UGT1A9: variants seen among roughly 807,000 people sequenced by gnomAD.
The protein encoded by UGT1A9 is UDP glucuronosyltransferase family 1 member A9, also known as UDP-glucuronosyltransferase 1A9.
A neutral mutation model predicts 45.0 loss-of-function variants in UGT1A9; 35 were observed. The observed-to-expected ratio is 0.78, with a 90% CI of 0.59 to 1.03. UGT1A9 has a LOEUF of 1.03. UGT1A9 is among the 50% of genes least tolerant of loss of function. The pLI is 0.00. For synonymous variants in UGT1A9, 278 were observed against 250.6 expected (o/e 1.11, Z -1.03); for missense variants, 687 against 666.6 (o/e 1.03, Z -0.34).
rs182081835 is a variant in UGT1A9 at position 233,702,413 on chromosome 2, T to G, written c.855+29624T>G. 3.3e-3 allele frequency among the ~76,000 whole-genome samples: 497 copies of G among 152,322 alleles called. 1 individual carries two copies. Among genetic ancestry groups the G allele is most frequent in the South Asian group, 4.6e-3 (22 of 4,828 alleles). On this transcript the variant is annotated intron_variant, in intron 1 of 4. Coordinates refer to ENST00000354728, the MANE Select transcript of UGT1A9 (RefSeq NM_021027.3). ...AGATCATGTTATCTACAAATAGAGA[T>G]AGCGTTACTTCTTCCTTTCTAATAA... is the stretch of plus-strand genomic sequence containing the variant.
In UGT1A9 at chr2:233,672,676, A is replaced by G; in HGVS notation, c.742A>G (p.Thr248Ala). Residue 248 changes from threonine (T) to alanine (A), a missense_variant, in exon 1 of 5, where the codon ACA becomes GCA. Thr to Ala is a moderately conservative substitution (Grantham distance 58). Coordinates refer to ENST00000354728, the MANE Select transcript of UGT1A9 (RefSeq NM_021027.3). ...PVTEYDLYSH[T>A]SIWLLRTDFV... ...TACGGAGTATGATCTCTACAGCCAC[A>G]CATCAATTTGGTTGTTGCGAACGGA... 6.2e-7 allele frequency: 1 copy of G among 1,613,916 alleles called. No individual in the cohort carries two copies. Among genetic ancestry groups the G allele is most frequent in the Non-Finnish European group, 8.5e-7 (1 of 1,179,844 alleles).
At position 233,672,362 on chromosome 2, in the gene UGT1A9, A is replaced by T. The variant is rs1375188515; in HGVS notation, c.428A>T (p.Asp143Val). 6.2e-7 allele frequency: 1 copy of T among 1,614,012 alleles called. No homozygotes were observed. The highest frequency in any genetic ancestry group is 1.3e-5 in the African/African-American group (1 of 74,920). The change falls in exon 1 of 5, where the codon GAT (aspartate) becomes GTT (valine). Residue 143 changes from aspartate to valine, a missense_variant. Asp to Val is a radical substitution (Grantham distance 152). Transcript: ENST00000354728. ...GAATACTTAAAGGAGAGTTCTTTTG[A>T]TGCAGTGTTTCTCGATCCTTTTGAT... is the stretch of plus-strand genomic sequence containing the variant. The part of the protein sequence containing the change: ...LVEYLKESSF[D>V]AVFLDPFDNC...
chr2:233,698,522 ATAAAG>A (rs1173933802), intron 1 of UGT1A9, among the ~76,000 whole-genome samples: 1 of 152,236 alleles, frequency 6.6e-6, no homozygotes, highest in Non-Finnish European at 1.5e-5. Context: ...TCGGCAATAC[ATAAAG>A]TAAACAGAAC....
chr2:233,677,165 C>A (rs1052154794), intron 1 of UGT1A9, among the ~76,000 whole-genome samples: 1 of 152,072 alleles, frequency 6.6e-6, no homozygotes, highest in Non-Finnish European at 1.5e-5. Flanking sequence ...TTTGAGTTTT[C>A]CAATTCATTA....
chr2:233,743,823 G>A, intron 1 of UGT1A9: 2 of 1,367,252 alleles, frequency 1.5e-6, no homozygotes, highest in Non-Finnish European at 2.0e-6. Flanking sequence ...TTTTTGTCGG[G>A]GTGCCACTTG....
intron 1 of UGT1A9, among the ~76,000 whole-genome samples, chr2:233,720,962 C>T (rs370196629): frequency 1.3e-4 from 20 of 151,468 alleles, no homozygotes; most frequent in African/African-American, 2.7e-4. Flanking sequence ...CTGCCCGCCT[C>T]GGCCTCCCAA....
At chr2:233,718,891 C>G (rs1334385335) in intron 1 of UGT1A9, 1 of 1,613,878 alleles carries the variant, frequency 6.2e-7, no homozygotes, top group African/African-American at 1.3e-5. Context: ...AGTGTCCAGC[C>G]CTGGGCTGAG....
chr2:233,713,388 C>CA (rs1287964776), intron 1 of UGT1A9: 1 of 1,614,146 alleles, frequency 6.2e-7, no homozygotes, highest in Admixed American at 1.7e-5. Context: ...GGAGCTACTG[C>CA]ATAATGAGGC....
At chr2:233,712,628 C>T (rs1420773341) in intron 1 of UGT1A9, among the ~76,000 whole-genome samples, 2 of 152,178 alleles carry the variant, frequency 1.3e-5, no homozygotes, top group Non-Finnish European at 2.9e-5. Flanking sequence ...CTCCTCAGAC[C>T]TCAGCTGCAG....
chr2:233,736,902 T>G lies in UGT1A9; in HGVS notation c.856-30132T>G, dbSNP rs143081248. ...GCAAATATTGCTGCCTGATCCTTCC[T>G]CTGGAAGCTTCATACCAGAGGCGCA... is the stretch of plus-strand genomic sequence containing the variant. On this transcript the variant is annotated intron_variant, in intron 1 of 4. Coordinates refer to ENST00000354728, the MANE Select transcript of UGT1A9 (RefSeq NM_021027.3). 5.7e-3 allele frequency among the ~76,000 whole-genome samples: 868 copies of G among 152,312 alleles called. 7 individuals are homozygous for G. Among genetic ancestry groups the G allele is most frequent in the African/African-American group, 0.02 (824 of 41,572 alleles).
chr2:233,690,590 A>G (rs1355612466), intron 1 of UGT1A9: 10 of 1,004,022 alleles, frequency 1.0e-5, no homozygotes, highest in East Asian at 7.1e-5. Flanking sequence ...ATCCCTGAGA[A>G]AAAAAAAAAA....
chr2:233,676,092 G>T (rs1662072406), intron 1 of UGT1A9, among the ~76,000 whole-genome samples: 1 of 152,136 alleles, frequency 6.6e-6, no homozygotes. Flanking sequence ...CATTCAAATG[G>T]GAAAGAATAG....
At chr2:233,721,723 T>A (rs570482911) in intron 1 of UGT1A9, 28 of 397,856 alleles carry the variant, frequency 7.0e-5, no homozygotes, top group Non-Finnish European at 1.0e-5. Flanking sequence ...TTTGTTTACT[T>A]GGATAAGCTT....
intron 1 of UGT1A9, chr2:233,752,532 T>G (rs1694995506): frequency 6.6e-6 from 1 of 152,250 alleles, no homozygotes; most frequent in African/African-American, 2.4e-5. Context: ...AAAAATTCTT[T>G]AAATAAAATG....
intron 1 of UGT1A9, among the ~76,000 whole-genome samples, chr2:233,739,458 G>A (rs183243418): frequency 1.3e-5 from 2 of 152,366 alleles, no homozygotes; most frequent in Non-Finnish European, 2.9e-5. Context: ...CAGGGTTGGA[G>A]CTGCCTGAGA....
chr2:233,762,242 T>C (rs1400660032), intron 1 of UGT1A9, among the ~76,000 whole-genome samples: 1 of 152,116 alleles, frequency 6.6e-6, no homozygotes, highest in Non-Finnish European at 1.5e-5. Flanking sequence ...AGGCACAGAA[T>C]AGGCACCCAC....
intron 2 of UGT1A9, among the ~76,000 whole-genome samples, chr2:233,767,590 G>T (rs1451772167): frequency 6.6e-6 from 1 of 152,126 alleles, no homozygotes; most frequent in Middle Eastern, 3.2e-3. Context: ...CCCTTAAAGT[G>T]CAGGAAAGTG....
chr2:233,684,824 A>G (rs898915633), intron 1 of UGT1A9, among the ~76,000 whole-genome samples: 1 of 152,254 alleles, frequency 6.6e-6, no homozygotes, highest in Non-Finnish European at 1.5e-5. Flanking sequence ...GTAAATTGTC[A>G]TAGAAAAATT....
chr2:233,719,258 T>C (rs2076743252), intron 1 of UGT1A9: 1 of 1,614,162 alleles, frequency 6.2e-7, no homozygotes, highest in Non-Finnish European at 8.5e-7. Flanking sequence ...CTACTTCCTT[T>C]GATGTGGTTT....
Sources: allele counts gnomAD v4.1 joint callset (sites outside exome capture counted in the v4.1 genomes callset), GRCh38; gene constraint gnomAD v4.1.1; transcripts MANE v1.5; gene names NCBI Gene and HGNC (gene_info 2026-07-23, HGNC 2026-07-21).